Variants in ZNF75D observed in about 807,000 individuals in gnomAD.
ZNF75D encodes the protein zinc finger protein 75D, also known as zinc finger protein 75.
A neutral mutation model predicts 33.3 loss-of-function variants in ZNF75D; 33 were observed. That is an observed-to-expected ratio of 0.99 (90% CI 0.75 to 1.32). The LOEUF (loss-of-function observed/expected upper bound fraction) is 1.32. Ranked by LOEUF, ZNF75D falls within the 40% of genes most tolerant of loss-of-function variation. The pLI is 0.00. For synonymous variants in ZNF75D, 113 were observed against 130.6 expected, an observed-to-expected ratio of 0.87 and a Z score of 0.92; for missense variants, 338 against 367.5, an observed-to-expected ratio of 0.92 and a Z score of 0.66.
At chrX:135,300,251 T>G (rs1291608682) in intron 1 of ZNF75D, among the ~76,000 whole-genome samples, 3 of 111,696 alleles carry the variant, frequency 2.7e-5, no homozygotes, top group Non-Finnish European at 5.6e-5. Flanking sequence ...AGTTGGCCCT[T>G]TCTTATACAA....
chrX:135,327,960 C>T (rs1208818047), intron 1 of ZNF75D: 2 of 112,000 alleles, frequency 1.8e-5, no homozygotes, highest in African/African-American at 6.5e-5. Context: ...TGAGAGTACC[C>T]ATATGTTTCA....
chrX:135,309,966 C>A (rs1483810192), intron 1 of ZNF75D, among the ~76,000 whole-genome samples: 1 of 111,708 alleles, frequency 9.0e-6, no homozygotes, highest in Admixed American at 9.5e-5. Context: ...AAAAACACTG[C>A]GAAGTCGAAG....
chrX:135,273,791 A>G (rs1241537129), intron 1 of ZNF75D, among the ~76,000 whole-genome samples: 1 of 111,747 alleles, frequency 8.9e-6, no homozygotes, highest in East Asian at 2.8e-4. Context: ...CAGTTGCAAT[A>G]CTGTTTGGCC....
In ZNF75D at chrX:135,329,254, G is replaced by C. The variant is rs371493804; in HGVS notation, c.-391+12514C>G. ...TTCTTTCTTCAATTACCACTTTTTA[G>C]AGATATTTTTCATGCCTTTTTAAAA... On this transcript the variant is annotated intron_variant, in intron 1 of 6. Coordinates refer to ENST00000370766, the MANE Select transcript of ZNF75D (RefSeq NM_007131.5). Among the ~76,000 whole-genome samples, 7 of 111,782 alleles carry C rather than the reference G, an allele frequency of 6.3e-5. No homozygotes were observed. In the East Asian group the frequency reaches 1.7e-3, roughly 27 times the overall value.
intron 6 of ZNF75D, 129 bp from the exon 7 acceptor site, chrX:135,287,975 A>T: frequency 3.7e-6 from 2 of 539,914 alleles, no homozygotes; most frequent in Non-Finnish European, 5.9e-6. Context: ...TCCAGTCTGG[A>T]CAAAATGGCA....
intron 1 of ZNF75D, among the ~76,000 whole-genome samples, chrX:135,275,061 A>G (rs781805073): frequency 8.9e-6 from 1 of 112,491 alleles, no homozygotes; most frequent in Admixed American, 9.4e-5. Flanking sequence ...CAGATTTGAA[A>G]AGGTTAGCCA....
chrX:135,334,101 T>C (rs1355662579), intron 1 of ZNF75D, among the ~76,000 whole-genome samples: 1 of 112,417 alleles, frequency 8.9e-6, no homozygotes, highest in Non-Finnish European at 1.9e-5. Context: ...GAACCATGGA[T>C]ATGTTCCATG....
intron 1 of ZNF75D, among the ~76,000 whole-genome samples, chrX:135,257,959 G>T (rs782700334): frequency 9.4e-6 from 1 of 106,699 alleles, no homozygotes; most frequent in Admixed American, 1.0e-4. Context: ...TATTCCTCCC[G>T]GAGCCCCCCC....
At chrX:135,291,408 T>C in intron 5 of ZNF75D, 64 bp downstream of exon 5, 9 of 1,156,761 alleles carry the variant, frequency 7.8e-6, no homozygotes, top group South Asian at 3.7e-5. Context: ...TCCTAGGCAA[T>C]AGGGACAAGC....
intron 1 of ZNF75D, among the ~76,000 whole-genome samples, chrX:135,298,898 T>G (rs1352649062): frequency 1.8e-5 from 2 of 112,166 alleles, no homozygotes; most frequent in African/African-American, 6.5e-5. Context: ...TGATCTTTTG[T>G]GTCTCCCTTT....
chrX:135,258,541 A>G (rs1303785699), intron 1 of ZNF75D, among the ~76,000 whole-genome samples: 3 of 111,476 alleles, frequency 2.7e-5, no homozygotes, highest in East Asian at 2.8e-4. Flanking sequence ...TTCTCTGATG[A>G]CCAATGATGA....
At chrX:135,331,078 TTGGG>T (rs1556440311) in intron 1 of ZNF75D, among the ~76,000 whole-genome samples, 1 of 111,362 alleles carries the variant, frequency 9.0e-6, no homozygotes, top group Admixed American at 9.5e-5. Context: ...AACCCATGAG[TTGGG>T]TGGGAGGTTT....
intron 1 of ZNF75D, among the ~76,000 whole-genome samples, chrX:135,323,808 C>A (rs1422131978): frequency 9.0e-6 from 1 of 111,574 alleles, no homozygotes; most frequent in Admixed American, 9.5e-5. Flanking sequence ...TGGTAGGATT[C>A]AATAAATGCA....
chrX:135,282,266 T>C (rs1269307277), downstream of ZNF75D, among the ~76,000 whole-genome samples: 1 of 111,851 alleles, frequency 8.9e-6, no homozygotes, highest in Non-Finnish European at 1.9e-5. Flanking sequence ...GAGTTTGAAC[T>C]TCCTGGTGGC....
In ZNF75D at chrX:135,259,722, A is replaced by C. The variant is rs782626388; in HGVS notation, n.828-3945T>G. ...AGACGATGGGGTTTTCTAAATATACAATCATGTCATCTGCAAACAGGGACA... is the reference window on the plus strand; with the variant it reads ...AGACGATGGGGTTTTCTAAATATACCATCATGTCATCTGCAAACAGGGACA... On this transcript the variant is annotated intron_variant and non_coding_transcript_variant, in intron 1 of 3. Transcript: ENST00000494295. 7.1e-5 allele frequency among the ~76,000 whole-genome samples: 8 copies of C among 112,068 alleles called. No individual in the cohort carries two copies. In the South Asian group the frequency reaches 3.0e-3, roughly 42 times the overall value.
chrX:135,257,962 G>GC (rs60184278), intron 1 of ZNF75D, among the ~76,000 whole-genome samples: 18 of 108,170 alleles, frequency 1.7e-4, no homozygotes, highest in Admixed American at 8.0e-4. Context: ...TCCTCCCGGA[G>GC]CCCCCCCACC....
chrX:135,328,862 CTTGTGTAACAATTCCT>C (rs2084616068), intron 1 of ZNF75D, among the ~76,000 whole-genome samples: 1 of 112,194 alleles, frequency 8.9e-6, no homozygotes, highest in Non-Finnish European at 1.9e-5. Context: ...GACCACGCTC[CTTGTGTAACAATTCCT>C]TTGGAAGAAA....
chrX:135,249,076 A>G, exon 4 of ZNF75D: 1 of 325,797 alleles, frequency 3.1e-6, no homozygotes, highest in East Asian at 9.7e-5. Context: ...GGCTTGCTTC[A>G]GTGTCCACAG....
intron 1 of ZNF75D, among the ~76,000 whole-genome samples, chrX:135,271,611 G>A (rs1299698157): frequency 2.7e-5 from 3 of 111,833 alleles, no homozygotes; most frequent in Non-Finnish European, 3.8e-5. Context: ...ATTCTTTCAC[G>A]AAAGACAAAA....
Sources: gnomAD v4.1 joint callset for allele counts (sites outside exome capture counted in the v4.1 genomes callset) on GRCh38, gnomAD v4.1.1 for gene constraint, MANE v1.5 for transcripts, NCBI Gene and HGNC (gene_info 2026-07-23, HGNC 2026-07-21) for gene names.